TMEM161A: variants seen among roughly 807,000 people sequenced by gnomAD.
The protein encoded by TMEM161A is adaptive response to oxidative stress protein 29.
In TMEM161A, 46 loss-of-function variants were observed where a neutral mutation model predicts 57.1. That is an observed-to-expected ratio of 0.81 (90% CI 0.64 to 1.03). The LOEUF (loss-of-function observed/expected upper bound fraction) is 1.03. Among genes scored for constraint, TMEM161A ranks in the 50% least tolerant of loss-of-function variants. The pLI is 0.00. For missense variants in TMEM161A, 601 were observed against 621.5 expected (o/e 0.97, Z 0.35); for synonymous variants, 288 against 279.0 (o/e 1.03, Z -0.32).
At chr19:19,130,079 A>T in intron 6 of TMEM161A, 77 bp downstream of exon 6, 1 of 1,555,430 alleles carries the variant, frequency 6.4e-7, no homozygotes, top group Non-Finnish European at 8.7e-7. Flanking sequence ...CTGGACACGG[A>T]GCCAGTTAAA....
intron 2 of TMEM161A, among the ~76,000 whole-genome samples, chr19:19,133,708 G>A (rs945260090): frequency 2.6e-5 from 4 of 152,150 alleles, no homozygotes; most frequent in African/African-American, 7.2e-5. Flanking sequence ...CTGACCTCAA[G>A]TGATCCACCC....
chr19:19,133,239 G>T, intron 2 of TMEM161A, 29 bp from the exon 3 acceptor site: 1 of 1,610,308 alleles, frequency 6.2e-7, no homozygotes, highest in Non-Finnish European at 8.5e-7. Context: ...AGTCAGGGAA[G>T]CTCAGGCGTG....
At chr19:19,130,105 T>G (rs1188431463) in intron 6 of TMEM161A, 51 bp downstream of exon 6, 2 of 1,604,156 alleles carry the variant, frequency 1.2e-6, no homozygotes, top group African/African-American at 1.3e-5. Flanking sequence ...TTGGTCAGAT[T>G]ACATGAGGGA....
chr19:19,133,872 C>T (rs537636289), intron 2 of TMEM161A, among the ~76,000 whole-genome samples: 3 of 151,798 alleles, frequency 2.0e-5, no homozygotes, highest in Admixed American at 6.6e-5. Flanking sequence ...TGGGCTCAAA[C>T]GATCCTCCTG....
intron 6 of TMEM161A, among the ~76,000 whole-genome samples, chr19:19,125,734 T>A (rs1240140547): frequency 6.6e-6 from 1 of 151,892 alleles, no homozygotes; most frequent in East Asian, 1.9e-4. Flanking sequence ...GCCAGGATGG[T>A]CTCGATCTGC....
intron 5 of TMEM161A, 89 bp from the exon 6 acceptor site, chr19:19,130,396 G>T: frequency 6.6e-7 from 1 of 1,525,220 alleles, no homozygotes; most frequent in Non-Finnish European, 9.0e-7. Flanking sequence ...GAACTCCAGG[G>T]AACAAGCACT....
chr19:19,126,219 T>C (rs1183486980), intron 6 of TMEM161A, among the ~76,000 whole-genome samples: 1 of 152,006 alleles, frequency 6.6e-6, no homozygotes, highest in Non-Finnish European at 1.5e-5. Context: ...GGAAGGATAT[T>C]TTTCAAGACA....
intron 11 of TMEM161A, 62 bp from the exon 12 acceptor site, chr19:19,120,245 G>T: frequency 7.2e-7 from 1 of 1,385,428 alleles, no homozygotes; most frequent in Non-Finnish European, 9.7e-7. Flanking sequence ...GAGGGACAGG[G>T]CTGGCACGGG....
chr19:19,128,700 G>A (rs62135465), intron 6 of TMEM161A, among the ~76,000 whole-genome samples: 7,704 of 151,566 alleles, frequency 0.051, 275 homozygotes, highest in Non-Finnish European at 0.079. Context: ...CACCACGCCC[G>A]ACTAATTTTG....
In TMEM161A at chr19:19,132,629, G is replaced by A; in HGVS notation, c.286+28C>T. The A allele has an allele frequency of 1.3e-6, 2 of 1,553,508 alleles. No homozygotes were observed. Among genetic ancestry groups the A allele is most frequent in the Non-Finnish European group, 1.7e-6 (2 of 1,148,526 alleles). On this transcript the variant is annotated intron_variant, in intron 4 of 11. Transcript: ENST00000162044. This position sits in a 1 kb window ranked among gnomAD's most constrained non-coding sequence, Gnocchi z 4.3. ...GGAGACCTTCAGGGCTGAGGGAGTA[G>A]AGTTTAGGGATGGGACTGGGCTATT...
intron 6 of TMEM161A, among the ~76,000 whole-genome samples, chr19:19,125,965 G>T (rs1370507954): frequency 6.7e-6 from 1 of 150,232 alleles, no homozygotes; most frequent in Non-Finnish European, 1.5e-5. Flanking sequence ...CCCATCTCTA[G>T]TAAAAAATAC....
chr19:19,121,408 T>C lies in TMEM161A; in HGVS notation c.814A>G (p.Thr272Ala). The change falls in exon 9 of 12, where the codon ACC (threonine) becomes GCC (alanine). Residue 272 changes from threonine (T) to alanine (A), a missense_variant. Coordinates refer to ENST00000162044, the MANE Select transcript of TMEM161A (RefSeq NM_017814.3). This position sits in a 1 kb window ranked among gnomAD's most constrained non-coding sequence, Gnocchi z 5.8. ...ATGAACAGGGGAGACAGGAAGCTGG[T>C]GTGCAGGAGGAACCTGGGGGGTGAG... ...DRPMLQFLLHTSFLSPLFILW... is the reference protein window; with the variant it reads ...DRPMLQFLLHASFLSPLFILW... 1.2e-6 allele frequency: 2 copies of C among 1,613,572 alleles called. No homozygotes were observed. The highest frequency in any genetic ancestry group is 1.7e-6 in the Non-Finnish European group (2 of 1,179,734).
In TMEM161A at chr19:19,120,972, G is replaced by C; in HGVS notation, c.1089+20C>G. On this transcript the variant is annotated intron_variant, in intron 10 of 11. Coordinates refer to ENST00000162044, the MANE Select transcript of TMEM161A (RefSeq NM_017814.3). ...TGAGCCCCAGGTTCCCTCTGGCCTAGGTCATCGGGGCGTCCATACCCTCTG... is the reference window on the plus strand; with the variant it reads ...TGAGCCCCAGGTTCCCTCTGGCCTACGTCATCGGGGCGTCCATACCCTCTG... 2 of 1,607,088 alleles carry C rather than the reference G, an allele frequency of 1.2e-6. No individual in the cohort carries two copies. Among genetic ancestry groups the C allele is most frequent in the Non-Finnish European group, 1.7e-6 (2 of 1,176,166 alleles).
intron 11 of TMEM161A, 107 bp from the exon 12 acceptor site, chr19:19,120,290 T>C (rs1007763735): frequency 4.0e-6 from 4 of 989,144 alleles, no homozygotes; most frequent in Non-Finnish European, 5.8e-6. Flanking sequence ...CTCCCACCCC[T>C]GTCTCAGACT....
rs1315147661 is a variant in TMEM161A, at chr19:19,121,207, C to T, written c.915-41G>A. The stretch of plus-strand genomic sequence containing the variant: ...CGGGGGCAAGGGACTAAGAAGGTCG[C>T]CCCCGACCCCCCAGGATCTTCCCCA... On this transcript the variant is annotated intron_variant, in intron 9 of 11. Transcript: ENST00000162044. This position sits in a 1 kb window ranked among gnomAD's most constrained non-coding sequence, Gnocchi z 5.8. The T allele has an allele frequency of 6.4e-7, 1 of 1,554,436 alleles. No homozygotes were observed.
rs1051899691 is a variant in TMEM161A at position 19,119,975 on chromosome 19, G to A, written c.1395C>T (p.Ala465=). The A allele has an allele frequency of 1.9e-6, 3 of 1,570,314 alleles. No homozygotes were observed. The highest frequency in any genetic ancestry group is 2.6e-6 in the Non-Finnish European group (3 of 1,158,692). ...IWWTAACQLL[A]SLFGLYFHQH... The stretch of plus-strand genomic sequence containing the variant: ...GGTGGAAGTAGAGGCCGAAAAGGCT[G>A]GCGAGCAGCTGGCAGGCAGCCGTCC... The change falls in exon 12 of 12, where the codon GCC becomes GCT. Residue 465 remains alanine, a synonymous_variant. Transcript: ENST00000162044.
chr19:19,125,507 T>C (rs2059926267), intron 6 of TMEM161A, among the ~76,000 whole-genome samples: 1 of 145,896 alleles, frequency 6.9e-6, no homozygotes, highest in African/African-American at 2.6e-5. Flanking sequence ...CATGCCACCT[T>C]GCCCAGCTTT....
intron 6 of TMEM161A, among the ~76,000 whole-genome samples, chr19:19,122,783 A>AAAAG (rs36100765): frequency 1.3e-5 from 2 of 150,252 alleles, no homozygotes; most frequent in Non-Finnish European, 3.0e-5. Flanking sequence ...AAAAAAAAAA[A>AAAAG]GGAGCAAATT....
intron 6 of TMEM161A, among the ~76,000 whole-genome samples, chr19:19,122,848 A>T (rs2059917015): frequency 6.6e-6 from 1 of 152,162 alleles, no homozygotes; most frequent in South Asian, 2.1e-4. Context: ...ATCACCATAA[A>T]GGAGAGTTAA....
Sources: allele counts gnomAD v4.1 joint callset (sites outside exome capture counted in the v4.1 genomes callset), GRCh38; gene constraint gnomAD v4.1.1; non-coding constraint Gnocchi (gnomAD v3.1); transcripts MANE v1.5; gene names NCBI Gene and HGNC (gene_info 2026-07-23, HGNC 2026-07-21).